Variants in BRINP3 observed in about 807,000 individuals in gnomAD.
The protein encoded by BRINP3 is BMP/retinoic acid-inducible neural-specific protein 3.
A neutral mutation model predicts 71.0 loss-of-function variants in BRINP3; 19 were observed. The observed-to-expected ratio is 0.27, with a 90% confidence interval of 0.19 to 0.39. The LOEUF (loss-of-function observed/expected upper bound fraction) is 0.39. Among genes scored for constraint, BRINP3 ranks in the 10% least tolerant of loss-of-function variants. The pLI is 1.00. For synonymous variants in BRINP3, 380 were observed against 337.7 expected (o/e 1.13, Z -1.37); for missense variants, 959 against 940.8 (o/e 1.02, Z -0.25).
At chr1:190,291,007 A>G (rs563318846) in intron 2 of BRINP3, among the ~76,000 whole-genome samples, 46 of 151,854 alleles carry the variant, frequency 3.0e-4, no homozygotes, top group Non-Finnish European at 4.0e-4. Flanking sequence ...GAAGAAACAG[A>G]CAAGGTTGAG....
intron 2 of BRINP3, among the ~76,000 whole-genome samples, chr1:190,325,953 C>T (rs1156880270): frequency 6.6e-6 from 1 of 151,954 alleles, no homozygotes; most frequent in East Asian, 1.9e-4. Flanking sequence ...GGTCAAATAA[C>T]TCATTAAAAA....
intron 6 of BRINP3, among the ~76,000 whole-genome samples, chr1:190,183,700 G>C (rs1187633139): frequency 6.6e-6 from 1 of 151,180 alleles, no homozygotes; most frequent in Non-Finnish European, 1.5e-5. Flanking sequence ...TGACTTTCCA[G>C]TAGAAGTTCT....
intron 5 of BRINP3, among the ~76,000 whole-genome samples, chr1:190,230,384 G>A (rs867912299): frequency 3.9e-5 from 6 of 152,026 alleles, no homozygotes; most frequent in Middle Eastern, 3.4e-3. Flanking sequence ...GTTCTTCAAT[G>A]CTATTTTGCT....
At chr1:190,154,327 C>T (rs890490441) in intron 7 of BRINP3, among the ~76,000 whole-genome samples, 2 of 152,118 alleles carry the variant, frequency 1.3e-5, no homozygotes, top group Non-Finnish European at 2.9e-5. Flanking sequence ...TGTCTATTAG[C>T]TACTTAGGAG....
At chr1:190,405,033 G>T (rs961200734) in intron 2 of BRINP3, among the ~76,000 whole-genome samples, 1 of 152,198 alleles carries the variant, frequency 6.6e-6, no homozygotes, top group East Asian at 1.9e-4. Flanking sequence ...AAAAGAAAGC[G>T]ACTGTTCTTT....
At chr1:190,322,030 G>T (rs1314366567) in intron 2 of BRINP3, among the ~76,000 whole-genome samples, 1 of 151,618 alleles carries the variant, frequency 6.6e-6, no homozygotes, top group East Asian at 1.9e-4. Context: ...TTTTATATAT[G>T]TGTGCATATA....
At chr1:190,448,305 C>A (rs1675362956) in intron 2 of BRINP3, among the ~76,000 whole-genome samples, 1 of 151,266 alleles carries the variant, frequency 6.6e-6, no homozygotes, top group African/African-American at 2.4e-5. Flanking sequence ...TAAAATTTTT[C>A]TTTGTGGGTT....
At chr1:190,239,022 A>G (rs1658799740) in intron 4 of BRINP3, among the ~76,000 whole-genome samples, 1 of 152,156 alleles carries the variant, frequency 6.6e-6, no homozygotes, top group Non-Finnish European at 1.5e-5. Context: ...GAAGGGAAGC[A>G]AGACATGTCT....
chr1:190,234,534 G>A, intron 4 of BRINP3, 57 bp from the exon 5 acceptor site: 5 of 1,285,508 alleles, frequency 3.9e-6, no homozygotes, highest in Non-Finnish European at 5.6e-6. Context: ...TGTCCTTTTG[G>A]TTCACTGTAG....
intron 2 of BRINP3, among the ~76,000 whole-genome samples, chr1:190,320,392 C>G (rs1043228975): frequency 6.6e-6 from 1 of 152,194 alleles, no homozygotes; most frequent in Non-Finnish European, 1.5e-5. Context: ...ACCCTCCTAC[C>G]ACTACACAGT....
At chr1:190,461,775 T>C (rs940359145) in intron 1 of BRINP3, among the ~76,000 whole-genome samples, 22 of 152,132 alleles carry the variant, frequency 1.4e-4, no homozygotes, top group South Asian at 2.1e-4. Context: ...CGAATCTGCA[T>C]CTGAGCTGAG....
chr1:190,158,100 C>A (rs144156510), intron 7 of BRINP3, among the ~76,000 whole-genome samples: 164 of 152,172 alleles, frequency 1.1e-3, no homozygotes, highest in African/African-American at 3.7e-3. Context: ...TCTTGAATTA[C>A]CACATGTTGT....
chr1:190,381,310 C>T (rs907765004), intron 2 of BRINP3, among the ~76,000 whole-genome samples: 11 of 150,178 alleles, frequency 7.3e-5, no homozygotes, highest in Non-Finnish European at 1.5e-4. Flanking sequence ...AAAAAAACAC[C>T]GACGATCTGT....
intron 2 of BRINP3, among the ~76,000 whole-genome samples, chr1:190,371,730 A>G (rs1235456948): frequency 6.6e-6 from 1 of 152,154 alleles, no homozygotes; most frequent in Non-Finnish European, 1.5e-5. Flanking sequence ...TTTGATAAGG[A>G]TTGCATTGAA....
At chr1:190,373,156 A>G (rs1201695265) in intron 2 of BRINP3, among the ~76,000 whole-genome samples, 2 of 152,210 alleles carry the variant, frequency 1.3e-5, no homozygotes, top group African/African-American at 4.8e-5. Context: ...TTGGGAGGCC[A>G]TGGTGGGTTG....
At chr1:190,366,571 C>CG (rs762296077) in intron 2 of BRINP3, among the ~76,000 whole-genome samples, 56 of 152,090 alleles carry the variant, frequency 3.7e-4, no homozygotes, top group Admixed American at 7.2e-4. Context: ...CAACAGCCCC[C>CG]CAAAGTCTTA....
chr1:190,099,466 C>A (rs1651502882), intron 7 of BRINP3, among the ~76,000 whole-genome samples: 1 of 151,898 alleles, frequency 6.6e-6, no homozygotes, highest in Admixed American at 6.6e-5. Flanking sequence ...ACATGGAAGA[C>A]CATTGTAAAT....
intron 2 of BRINP3, among the ~76,000 whole-genome samples, chr1:190,337,505 C>G (rs75447262): frequency 0.016 from 2,496 of 152,110 alleles, 63 homozygotes; most frequent in African/African-American, 0.055. Flanking sequence ...CATGGAAGGG[C>G]TAGACTGGCT....
At chr1:190,432,912 T>A (rs1674194296) in intron 2 of BRINP3, among the ~76,000 whole-genome samples, 1 of 152,176 alleles carries the variant, frequency 6.6e-6, no homozygotes, top group Non-Finnish European at 1.5e-5. Context: ...ATAAACATAG[T>A]CTATGTTTGC....
Sources: allele counts gnomAD v4.1 joint callset (sites outside exome capture counted in the v4.1 genomes callset), GRCh38; gene constraint gnomAD v4.1.1; transcripts MANE v1.5; gene names NCBI Gene and HGNC (gene_info 2026-07-23, HGNC 2026-07-21).